Variants in L2HGDH observed in about 807,000 individuals in gnomAD.
L2HGDH encodes L-2-hydroxyglutarate dehydrogenase, mitochondrial.
L2HGDH carries 34 observed loss-of-function variants against 51.5 expected under a neutral mutation model. That is an observed-to-expected ratio of 0.66 (90% CI 0.50 to 0.88). L2HGDH has a LOEUF of 0.88. Ranked by LOEUF, L2HGDH falls within the 40% of genes least tolerant of loss-of-function variation. L2HGDH has a pLI of 0.00. For synonymous variants in L2HGDH, 198 were observed against 197.9 expected (o/e 1.00, Z -0.01); for missense variants, 558 against 571.9 (o/e 0.98, Z 0.25).
rs1340268779 is a variant in L2HGDH, at chr14:50,246,224, GTTT to G, written c.*831_*833del. ...AGCATGGAATTTATTTTTTGTTGTT[GTTT>G]TTATTTTTTGAGTCAGGGACTCACT... is the stretch of plus-strand genomic sequence containing the variant. On this transcript the variant is annotated 3_prime_UTR_variant, in exon 10 of 10. Transcript: ENST00000267436. The G allele has an allele frequency of 2.0e-5, 3 of 151,748 alleles. No homozygotes were observed. The highest frequency in any genetic ancestry group is 4.4e-5 in the Non-Finnish European group (3 of 67,984). The allele number at this position is 151,748 out of a possible 1,614,324, so 9.4% of individuals were successfully genotyped here. A position where few individuals can be genotyped will look rare whatever the true frequency, so the allele number is the denominator to read the frequency against.
intron 9 of L2HGDH, among the ~76,000 whole-genome samples, chr14:50,263,437 T>C (rs1446249167): frequency 6.6e-6 from 1 of 152,218 alleles, no homozygotes; most frequent in East Asian, 1.9e-4. Flanking sequence ...GAATGATACA[T>C]TACAGTCAGA....
At chr14:50,288,300 G>C (rs1190197809) in intron 4 of L2HGDH, among the ~76,000 whole-genome samples, 1 of 152,150 alleles carries the variant, frequency 6.6e-6, no homozygotes, top group Admixed American at 6.5e-5. Flanking sequence ...TTGAGCTTCT[G>C]TATTAGACCT....
chr14:50,267,357 T>C (rs1889403331), intron 8 of L2HGDH, among the ~76,000 whole-genome samples: 1 of 151,928 alleles, frequency 6.6e-6, no homozygotes, highest in South Asian at 2.1e-4. Flanking sequence ...TAATTTTTTG[T>C]ATTTTTAGTA....
chr14:50,295,446 GC>G (rs2029975172), intron 3 of L2HGDH, among the ~76,000 whole-genome samples: 1 of 151,894 alleles, frequency 6.6e-6, no homozygotes, highest in Non-Finnish European at 1.5e-5. Flanking sequence ...CACTCCCATT[GC>G]CCAGGCTATA....
intron 3 of L2HGDH, among the ~76,000 whole-genome samples, chr14:50,295,929 G>A (rs2030014152): frequency 6.6e-6 from 1 of 151,200 alleles, no homozygotes; most frequent in African/African-American, 2.4e-5. Context: ...AGTAGAAATG[G>A]GGTTTCACCA....
At chr14:50,267,591 AC>A (rs1889419102) in intron 8 of L2HGDH, among the ~76,000 whole-genome samples, 161 bp downstream of exon 8, 1 of 151,902 alleles carries the variant, frequency 6.6e-6, no homozygotes. Context: ...TTTGTTTGCT[AC>A]CCCATCCACT....
In L2HGDH at chr14:50,281,456, G is replaced by A. The variant is rs139651723; in HGVS notation, c.703+2415C>T. Among the ~76,000 whole-genome samples the A allele has an allele frequency of 1.1e-4, 16 of 152,216 alleles. No homozygotes were observed. In the East Asian group the frequency reaches 2.9e-3, roughly 28 times the overall value. On this transcript the variant is annotated intron_variant, in intron 5 of 9. Coordinates refer to ENST00000267436, the MANE Select transcript of L2HGDH (RefSeq NM_024884.3). ...AAAAATACAAAATTAGCCAGATGGGGTGGCACATGTTTGTAATCCCAGTTA... is the reference window on the plus strand; with the variant it reads ...AAAAATACAAAATTAGCCAGATGGGATGGCACATGTTTGTAATCCCAGTTA...
At chr14:50,301,947 A>C (rs1733918024) in intron 3 of L2HGDH, 70 bp downstream of exon 3, 1 of 1,479,668 alleles carries the variant, frequency 6.8e-7, no homozygotes, top group African/African-American at 1.4e-5. Context: ...ATTTTTAAAA[A>C]ATGTAATATT....
intron 1 of L2HGDH, among the ~76,000 whole-genome samples, chr14:50,309,384 G>A (rs954468969): frequency 6.6e-6 from 1 of 152,078 alleles, no homozygotes; most frequent in African/African-American, 2.4e-5. Flanking sequence ...CCAACACGGT[G>A]AAACCCTATC....
intron 9 of L2HGDH, among the ~76,000 whole-genome samples, chr14:50,256,741 T>A (rs771750876): frequency 6.6e-6 from 1 of 152,124 alleles, no homozygotes; most frequent in African/African-American, 2.4e-5. Flanking sequence ...CCTTCTCTAC[T>A]AAATTGGAAA....
chr14:50,279,606 A>T (rs897190718), intron 5 of L2HGDH, among the ~76,000 whole-genome samples: 4 of 151,936 alleles, frequency 2.6e-5, no homozygotes, highest in African/African-American at 9.7e-5. Context: ...TTGGGAGGCC[A>T]AGGTGGGCAG....
intron 9 of L2HGDH, among the ~76,000 whole-genome samples, chr14:50,258,052 A>T: frequency 7.1e-6 from 1 of 141,422 alleles, no homozygotes; most frequent in African/African-American, 2.7e-5. Flanking sequence ...TAAATGGAAA[A>T]TTTTAAACAC....
At chr14:50,263,900 C>T (rs1889188249) in intron 9 of L2HGDH, among the ~76,000 whole-genome samples, 4 of 151,098 alleles carry the variant, frequency 2.6e-5, no homozygotes, top group Admixed American at 2.0e-4. Flanking sequence ...TTCTGCCTCC[C>T]AAATAGCTGG....
At chr14:50,275,453 TTC>T (rs1480486903) in intron 6 of L2HGDH, among the ~76,000 whole-genome samples, 1 of 152,258 alleles carries the variant, frequency 6.6e-6, no homozygotes, top group Non-Finnish European at 1.5e-5. Flanking sequence ...CCTATAATGC[TTC>T]TGCCAAAGCC....
At chr14:50,306,891 C>A (rs1340586858) in intron 1 of L2HGDH, among the ~76,000 whole-genome samples, 2 of 152,102 alleles carry the variant, frequency 1.3e-5, no homozygotes, top group East Asian at 3.9e-4. Context: ...TCTCGGCTCA[C>A]TGCAGCTTCC....
At chr14:50,259,269 A>G (rs1157573335) in intron 9 of L2HGDH, among the ~76,000 whole-genome samples, 1 of 149,094 alleles carries the variant, frequency 6.7e-6, no homozygotes, top group East Asian at 2.0e-4. Flanking sequence ...GAGCCACAAC[A>G]CCCCCACTGA....
intron 6 of L2HGDH, among the ~76,000 whole-genome samples, chr14:50,276,609 A>T (rs1276444344): frequency 2.0e-5 from 3 of 152,158 alleles, no homozygotes; most frequent in Non-Finnish European, 4.4e-5. Flanking sequence ...TATAAAAGGA[A>T]GAGACACCCA....
rs1305055060 is a variant in L2HGDH, at chr14:50,311,551, T to C, written c.140+460A>G. ...GAGCTGCCTCCGACGGGGGCAACACTATGCGGGGTGTGCCAGGAACTGATT... is the reference window on the plus strand; with the variant it reads ...GAGCTGCCTCCGACGGGGGCAACACCATGCGGGGTGTGCCAGGAACTGATT... On this transcript the variant is annotated intron_variant, in intron 1 of 9. Transcript: ENST00000267436. 1.7e-5 allele frequency: 7 copies of C among 403,660 alleles called. No individual in the cohort carries two copies. In the East Asian group the frequency reaches 4.2e-4, roughly 24 times the overall value. 25.0% of individuals were successfully genotyped at this position (403,660 alleles called of 1,614,324 possible). A position where few individuals can be genotyped will look rare whatever the true frequency, so the allele number is the denominator to read the frequency against.
intron 9 of L2HGDH, among the ~76,000 whole-genome samples, chr14:50,261,899 T>C (rs1889046728): frequency 6.6e-6 from 1 of 152,212 alleles, no homozygotes; most frequent in African/African-American, 2.4e-5. Context: ...CAGTAAATTA[T>C]TGCCCAAAAT....
Sources: allele counts gnomAD v4.1 joint callset (sites outside exome capture counted in the v4.1 genomes callset), GRCh38; gene constraint gnomAD v4.1.1; transcripts MANE v1.5; gene names NCBI Gene and HGNC (gene_info 2026-07-23, HGNC 2026-07-21).